The following SYT14 variants were observed in gnomAD, a reference collection of about 807,000 sequenced individuals.
SYT14 encodes the protein synaptotagmin 14.
In SYT14, 32 loss-of-function variants were observed where a neutral mutation model predicts 74.2. That is an observed-to-expected ratio of 0.43 (90% CI 0.33 to 0.58). SYT14 has a LOEUF of 0.58. SYT14 is among the 20% of genes least tolerant of loss of function. The pLI, the probability that SYT14 is intolerant of heterozygous loss-of-function variation, is 0.05. For missense variants in SYT14, 791 were observed against 981.8 expected (o/e 0.81, Z 2.60); for synonymous variants, 298 against 337.7 (o/e 0.88, Z 1.29).
intron 5 of SYT14, among the ~76,000 whole-genome samples, chr1:210,047,533 G>T (rs1156435809): frequency 6.6e-6 from 1 of 152,078 alleles, no homozygotes; most frequent in Non-Finnish European, 1.5e-5. Context: ...GAGTAGCTAG[G>T]ATTACAGGCA....
intron 2 of SYT14, among the ~76,000 whole-genome samples, chr1:209,969,549 G>A (rs1453697125): frequency 6.8e-6 from 1 of 147,066 alleles, no homozygotes; most frequent in East Asian, 2.0e-4. Context: ...GTGCAGTGGC[G>A]TGATCTCGGC....
At chr1:210,154,159 A>G (rs1272402188) in intron 7 of SYT14, among the ~76,000 whole-genome samples, 2 of 152,096 alleles carry the variant, frequency 1.3e-5, no homozygotes, top group Non-Finnish European at 2.9e-5. Flanking sequence ...TACAAATTCA[A>G]TTTCTTTAGT....
chr1:209,977,092 A>T (rs182401508), intron 2 of SYT14, among the ~76,000 whole-genome samples: 5 of 151,888 alleles, frequency 3.3e-5, no homozygotes, highest in African/African-American at 1.2e-4. Flanking sequence ...TTTTGAGCCT[A>T]TGTGTGTCTC....
chr1:210,036,108 A>G (rs1323522402), intron 5 of SYT14, among the ~76,000 whole-genome samples: 1 of 151,978 alleles, frequency 6.6e-6, no homozygotes, highest in Non-Finnish European at 1.5e-5. Context: ...TTTTCCTTGT[A>G]GAGATCTTTC....
chr1:210,118,951 A>G (rs1016878345), intron 7 of SYT14, among the ~76,000 whole-genome samples: 8 of 152,200 alleles, frequency 5.3e-5, no homozygotes, highest in African/African-American at 1.4e-4. Flanking sequence ...ACAATAAAGT[A>G]TACAATGGGC....
exon 10 of SYT14, chr1:210,164,222 G>C (rs2083430615): frequency 3.3e-6 from 1 of 299,752 alleles, no homozygotes; most frequent in Non-Finnish European, 6.6e-6. Context: ...TTATCTTACT[G>C]TGCATTTAGT....
chr1:210,133,583 T>C (rs2082720825), intron 7 of SYT14, among the ~76,000 whole-genome samples: 1 of 152,188 alleles, frequency 6.6e-6, no homozygotes. Flanking sequence ...AGTGTATTAG[T>C]ATTTTCTCTT....
At chr1:210,125,868 T>A (rs779068874) in intron 7 of SYT14, among the ~76,000 whole-genome samples, 1 of 152,220 alleles carries the variant, frequency 6.6e-6, no homozygotes, top group African/African-American at 2.4e-5. Flanking sequence ...TTTCTTAACA[T>A]ATAATGTCTA....
At chr1:210,047,281 T>G (rs2080903544) in intron 5 of SYT14, among the ~76,000 whole-genome samples, 1 of 152,162 alleles carries the variant, frequency 6.6e-6, no homozygotes, top group Admixed American at 6.5e-5. Context: ...CAATAAATGT[T>G]TATTGAATTA....
At chr1:210,105,994 A>G (rs1446997901) in intron 7 of SYT14, among the ~76,000 whole-genome samples, 1 of 152,210 alleles carries the variant, frequency 6.6e-6, no homozygotes, top group Non-Finnish European at 1.5e-5. Flanking sequence ...ACTGTGAGCC[A>G]ATTAAACGTC....
At position 210,095,445 on chromosome 1, in the gene SYT14, G is replaced by C. The variant is rs112558098; in HGVS notation, c.1584+852G>C. Among the ~76,000 whole-genome samples the C allele has an allele frequency of 7.7e-3, 1,176 of 152,194 alleles. 20 individuals carry two copies. Among genetic ancestry groups the C allele is most frequent in the African/African-American group, 0.027 (1,122 of 41,532 alleles). Reference sequence around the variant, plus strand: ...TTTTTTAATTTTTTTGTAGAGACAGGCTCTCACTATGTTGCCCAGGCTGGT... The same window carrying C: ...TTTTTTAATTTTTTTGTAGAGACAGCCTCTCACTATGTTGCCCAGGCTGGT... On this transcript the variant is annotated intron_variant, in intron 6 of 9. Transcript: ENST00000637265.
At chr1:210,084,180 A>G (rs2081672630) in intron 5 of SYT14, among the ~76,000 whole-genome samples, 1 of 152,188 alleles carries the variant, frequency 6.6e-6, no homozygotes, top group Admixed American at 6.5e-5. Context: ...ATCTGGAGAG[A>G]CTTACCTTGC....
intron 5 of SYT14, among the ~76,000 whole-genome samples, chr1:210,057,650 C>G (rs1267629533): frequency 6.6e-6 from 1 of 152,014 alleles, no homozygotes; most frequent in Non-Finnish European, 1.5e-5. Context: ...CCTCTCTTGC[C>G]CTTATTACCA....
At chr1:210,160,808 G>T (rs781755187) in exon 10 of SYT14, 13 of 1,613,902 alleles carry the variant, frequency 8.1e-6, no homozygotes, top group Non-Finnish European at 1.1e-5. Context: ...GCAGAGGGCA[G>T]CCAAATCCAG....
intron 5 of SYT14, among the ~76,000 whole-genome samples, chr1:210,029,569 A>G (rs1373906898): frequency 1.3e-5 from 2 of 152,310 alleles, no homozygotes; most frequent in East Asian, 3.9e-4. Flanking sequence ...TCATTTGACC[A>G]TATATGCAAG....
chr1:209,960,394 A>G (rs1300074268), intron 2 of SYT14, among the ~76,000 whole-genome samples: 1 of 152,152 alleles, frequency 6.6e-6, no homozygotes, highest in Non-Finnish European at 1.5e-5. Flanking sequence ...CCTTTTTTTA[A>G]ACATTGAAAA....
chr1:209,974,916 G>T (rs148893349), intron 2 of SYT14, among the ~76,000 whole-genome samples: 3,639 of 152,242 alleles, frequency 0.024, 60 homozygotes, highest in Non-Finnish European at 0.04. Context: ...TCTCCTTGAA[G>T]AGGTCCTTCA....
chr1:210,145,684 C>T (rs1410534752), intron 7 of SYT14, among the ~76,000 whole-genome samples: 1 of 152,016 alleles, frequency 6.6e-6, no homozygotes, highest in African/African-American at 2.4e-5. Flanking sequence ...CATTTTCCAC[C>T]CCCTCCCCAT....
Position 210,000,610 on chromosome 1 carries a change from C to CTTT in SYT14, c.-485-13021_-485-13020insTTT, listed in dbSNP as rs1404742763. Among the ~76,000 whole-genome samples, 968 of 115,450 alleles carry CTTT rather than the reference C, an allele frequency of 8.4e-3. 65 individuals are homozygous for CTTT. In the East Asian group the frequency reaches 0.11, roughly 14 times the overall value. 75.7% of individuals were successfully genotyped at this position (115,450 alleles called of 152,430 possible). On this transcript the variant is annotated intron_variant, in intron 2 of 9. Coordinates refer to ENST00000637265, the Ensembl canonical transcript of SYT14. ...TACTTTCATTAGGGCTGTTTTATGC[C>CTTT]TTCTTTTTTTTTTTTTTTTTTTGAG...
Sources: gnomAD v4.1 joint callset for allele counts (sites outside exome capture counted in the v4.1 genomes callset) on GRCh38, gnomAD v4.1.1 for gene constraint, MANE v1.5 for transcripts, NCBI Gene and HGNC (gene_info 2026-07-23, HGNC 2026-07-21) for gene names.